SENP6: variants seen among roughly 807,000 people sequenced by gnomAD.
SENP6 encodes SUMO specific peptidase 6, also known as sentrin-specific protease 6.
In SENP6, 41 loss-of-function variants were observed where a neutral mutation model predicts 134.5. That is an observed-to-expected ratio of 0.30 (90% CI 0.24 to 0.40). SENP6 has a LOEUF of 0.40. Ranked by LOEUF, SENP6 falls within the 10% of genes least tolerant of loss-of-function variation. The pLI is 1.00. For synonymous variants in SENP6, 395 were observed against 429.8 expected (o/e 0.92, Z 1.00); for missense variants, 1,248 against 1,312.5 (o/e 0.95, Z 0.76).
At chr6:75,671,441 T>C (rs939066338) in intron 11 of SENP6, among the ~76,000 whole-genome samples, 2 of 152,192 alleles carry the variant, frequency 1.3e-5, no homozygotes, top group South Asian at 2.1e-4. Flanking sequence ...AGAGAACTTA[T>C]TGCCGGGCGC....
intron 7 of SENP6, among the ~76,000 whole-genome samples, chr6:75,654,416 C>T (rs1771155843): frequency 6.6e-6 from 1 of 152,136 alleles, no homozygotes; most frequent in African/African-American, 2.4e-5. Context: ...AGAGGATAGC[C>T]AGAGTTGAAG....
chr6:75,668,138 T>G (rs1179952645), intron 10 of SENP6, among the ~76,000 whole-genome samples: 2 of 152,172 alleles, frequency 1.3e-5, no homozygotes, highest in East Asian at 1.9e-4. Context: ...TATATGGATT[T>G]ACTTATTTAC....
chr6:75,672,972 C>T (rs1461408577), intron 11 of SENP6, among the ~76,000 whole-genome samples: 1 of 151,924 alleles, frequency 6.6e-6, no homozygotes, highest in African/African-American at 2.4e-5. Flanking sequence ...GGACTACAGG[C>T]ACCGGCCACC....
intron 3 of SENP6, among the ~76,000 whole-genome samples, chr6:75,627,762 A>G (rs532059767): frequency 1.1e-3 from 169 of 151,844 alleles, no homozygotes; most frequent in African/African-American, 3.9e-3. Flanking sequence ...TGCAACCTCC[A>G]CCTCCTGGGT....
intron 21 of SENP6, among the ~76,000 whole-genome samples, chr6:75,713,226 C>T (rs972696752): frequency 2.0e-5 from 3 of 151,976 alleles, no homozygotes; most frequent in African/African-American, 7.3e-5. Flanking sequence ...TTTTGAAGTA[C>T]TTTTAGAAAC....
In SENP6 at chr6:75,715,680, C is replaced by T; in HGVS notation, c.*86C>T. 1.1e-6 allele frequency: 1 copy of T among 915,686 alleles called. No homozygotes were observed. Among genetic ancestry groups the T allele is most frequent in the East Asian group, 2.5e-5 (1 of 39,694 alleles). The allele number at this position is 915,686 out of a possible 1,614,324, so 56.7% of individuals were successfully genotyped here. A position where few individuals can be genotyped will look rare whatever the true frequency, so the allele number is the denominator to read the frequency against. ...AGACAATAAAGAACTGAAGTGCTCA[C>T]TACTCAGTGATTTGGAAATTTTGAT... On this transcript the variant is annotated 3_prime_UTR_variant, in exon 24 of 24. Transcript: ENST00000447266.
intron 1 of SENP6, among the ~76,000 whole-genome samples, chr6:75,604,233 C>T (rs905043832): frequency 6.6e-6 from 1 of 152,166 alleles, no homozygotes; most frequent in Admixed American, 6.5e-5. Context: ...TTACTTTATT[C>T]TAATCTAAGG....
Position 75,633,636 on chromosome 6 carries a change from C to CAT in SENP6, c.266_267dup (p.Val90MetfsTer2). 1 of 1,610,982 alleles carries CAT rather than the reference C, an allele frequency of 6.2e-7. No individual in the cohort carries two copies. Among genetic ancestry groups the CAT allele is most frequent in the Non-Finnish European group, 8.5e-7 (1 of 1,178,584 alleles). ...AGCTCTGGTGAATTCATCTTGAAGA[C>CAT]ATATGTAAGACGAAACAAGTCTGAA... On this transcript the variant is annotated frameshift_variant, in exon 4 of 24. Transcript: ENST00000447266. LOFTEE classifies it high-confidence loss of function.
Position 75,717,722 on chromosome 6 carries a change from T to C in SENP6, c.*2128T>C, listed in dbSNP as rs1776081747. On this transcript the variant is annotated 3_prime_UTR_variant, in exon 24 of 24. Transcript: ENST00000447266. Reference sequence around the variant, plus strand: ...AAATGTGTTATTAGTACTTAGAAGTTGTAAAACAGAACTTATAGAGGTTTG... The same window carrying C: ...AAATGTGTTATTAGTACTTAGAAGTCGTAAAACAGAACTTATAGAGGTTTG... The C allele has an allele frequency of 6.6e-6, 1 of 152,178 alleles. No individual in the cohort carries two copies. Among genetic ancestry groups the C allele is most frequent in the Admixed American group, 6.5e-5 (1 of 15,276 alleles). The allele number at this position is 152,178 out of a possible 1,614,324, so 9.4% of individuals were successfully genotyped here.
intron 16 of SENP6, among the ~76,000 whole-genome samples, chr6:75,686,151 G>A (rs1306682334): frequency 6.6e-6 from 1 of 152,090 alleles, no homozygotes; most frequent in Non-Finnish European, 1.5e-5. Flanking sequence ...ATTATGTAAT[G>A]GCCTTCTTTG....
chr6:75,668,345 C>T (rs775073), intron 10 of SENP6, among the ~76,000 whole-genome samples: 12,131 of 151,964 alleles, frequency 0.08, 1,072 homozygotes, highest in African/African-American at 0.22. Context: ...GCAAAACACT[C>T]TAAACACAAT....
At chr6:75,605,754 T>G (rs1365760870) in intron 1 of SENP6, among the ~76,000 whole-genome samples, 1 of 152,034 alleles carries the variant, frequency 6.6e-6, no homozygotes, top group Non-Finnish European at 1.5e-5. Context: ...CATTGACGAG[T>G]TTGGCGCAAG....
intron 11 of SENP6, among the ~76,000 whole-genome samples, chr6:75,673,716 T>C (rs189905835): frequency 6.6e-6 from 1 of 152,252 alleles, no homozygotes; most frequent in African/African-American, 2.4e-5. Context: ...CTTTATCTTA[T>C]GCAACAATTT....
At chr6:75,634,857 T>C in intron 5 of SENP6, 46 bp downstream of exon 5, 1 of 1,244,438 alleles carries the variant, frequency 8.0e-7, no homozygotes, top group East Asian at 2.3e-5. Flanking sequence ...TGGCATCTTC[T>C]TCAATAGGTT....
intron 19 of SENP6, among the ~76,000 whole-genome samples, chr6:75,707,085 G>A (rs1339980997): frequency 6.6e-6 from 1 of 152,086 alleles, no homozygotes; most frequent in Non-Finnish European, 1.5e-5. Flanking sequence ...GGAATTGACT[G>A]CATCATTTAG....
chr6:75,643,745 A>G (rs929733935), intron 6 of SENP6, among the ~76,000 whole-genome samples: 1 of 152,182 alleles, frequency 6.6e-6, no homozygotes, highest in African/African-American at 2.4e-5. Flanking sequence ...ATAGAATACA[A>G]TTGTGGGAGA....
intron 7 of SENP6, among the ~76,000 whole-genome samples, chr6:75,648,930 A>G (rs554053419): frequency 4.6e-4 from 70 of 152,318 alleles, no homozygotes; most frequent in East Asian, 9.6e-4. Flanking sequence ...TAAACACTGT[A>G]CATTACTATA....
chr6:75,673,301 GA>G (rs1772825505), intron 11 of SENP6, among the ~76,000 whole-genome samples: 1 of 146,356 alleles, frequency 6.8e-6, no homozygotes, highest in African/African-American at 2.5e-5. Flanking sequence ...CAATGTAGAT[GA>G]AATAGACCAA....
At chr6:75,679,711 C>T (rs891359913) in intron 16 of SENP6, 1 of 152,168 alleles carries the variant, frequency 6.6e-6, no homozygotes, top group Admixed American at 6.5e-5. Flanking sequence ...TGTGTTTATA[C>T]ATTTATCAAT....
Sources: gnomAD v4.1 joint callset for allele counts (sites outside exome capture counted in the v4.1 genomes callset) on GRCh38, gnomAD v4.1.1 for gene constraint, MANE v1.5 for transcripts, NCBI Gene and HGNC (gene_info 2026-07-23, HGNC 2026-07-21) for gene names.